The following SPAG16 variants were observed in gnomAD, a reference collection of about 807,000 sequenced individuals.
The protein encoded by SPAG16 is sperm associated antigen 16.
A neutral mutation model predicts 80.4 loss-of-function variants in SPAG16; 86 were observed. That is an observed-to-expected ratio of 1.07 (90% confidence interval 0.90 to 1.28). The LOEUF is 1.28. Ranked by LOEUF, SPAG16 falls within the 50% of genes most tolerant of loss-of-function variation. The probability of loss-of-function intolerance (pLI) is 0.00; values close to 1 mark genes in which losing one functional copy is unlikely to be tolerated. For missense variants in SPAG16, 870 were observed against 765.3 expected (o/e 1.14, Z -1.61); for synonymous variants, 294 against 265.9 (o/e 1.11, Z -1.03).
intron 10 of SPAG16, among the ~76,000 whole-genome samples, chr2:213,577,855 T>G (rs995341639): frequency 6.6e-6 from 1 of 152,126 alleles, no homozygotes; most frequent in African/African-American, 2.4e-5. Context: ...AAAGAAATTA[T>G]GACTCTTGTC....
intron 11 of SPAG16, among the ~76,000 whole-genome samples, chr2:213,900,851 G>C (rs2077192619): frequency 6.6e-6 from 1 of 152,104 alleles, no homozygotes; most frequent in Non-Finnish European, 1.5e-5. Flanking sequence ...TTTAGGCCTA[G>C]AGAATTGATT....
intron 4 of SPAG16, among the ~76,000 whole-genome samples, chr2:213,313,262 GTATT>G (rs1433726840): frequency 6.6e-6 from 1 of 151,756 alleles, no homozygotes; most frequent in Non-Finnish European, 1.5e-5. Flanking sequence ...ATTTAGGTGA[GTATT>G]TAATTTAAAT....
At chr2:213,377,989 T>C (rs1440467387) in intron 9 of SPAG16, among the ~76,000 whole-genome samples, 1 of 151,458 alleles carries the variant, frequency 6.6e-6, no homozygotes, top group African/African-American at 2.4e-5. Flanking sequence ...GATCACAAGG[T>C]CCCACAATAG....
intron 15 of SPAG16, among the ~76,000 whole-genome samples, chr2:214,286,173 G>A (rs974232793): frequency 2.0e-5 from 3 of 152,146 alleles, no homozygotes; most frequent in African/African-American, 4.8e-5. Context: ...GGGCTGTGGT[G>A]AACGGAGTAA....
intron 1 of SPAG16, among the ~76,000 whole-genome samples, chr2:213,290,554 G>C (rs1212428683): frequency 6.6e-6 from 1 of 152,200 alleles, no homozygotes; most frequent in Non-Finnish European, 1.5e-5. Flanking sequence ...TTCTTCGAAG[G>C]AATACTAGGC....
Position 214,214,545 on chromosome 2 carries a change from C to T in SPAG16, c.1720+65279C>T, listed in dbSNP as rs545340928. ...TATTCCAGGCCTGTAGGTTTGTCTC[C>T]TCTCTGATTCACCTATTCCAATGCC... On this transcript the variant is annotated intron_variant, in intron 15 of 15. Coordinates refer to ENST00000331683, the MANE Select transcript of SPAG16 (RefSeq NM_024532.5). 1.2e-4 allele frequency among the ~76,000 whole-genome samples: 19 copies of T among 152,096 alleles called. No individual in the cohort carries two copies. The South Asian group carries it at 3.5e-3, about 28-fold the overall frequency.
intron 14 of SPAG16, among the ~76,000 whole-genome samples, chr2:214,117,233 G>C (rs951414310): frequency 2.0e-5 from 3 of 151,810 alleles, no homozygotes; most frequent in Admixed American, 6.6e-5. Context: ...ACACAGTGGA[G>C]AGCATTAACA....
At chr2:214,342,616 TATTTC>T (rs1697784545) in intron 15 of SPAG16, among the ~76,000 whole-genome samples, 1 of 152,130 alleles carries the variant, frequency 6.6e-6, no homozygotes, top group Non-Finnish European at 1.5e-5. Flanking sequence ...GTTGTATAAT[TATTTC>T]ATTATATATT....
chr2:213,706,339 T>C (rs2065751724), intron 10 of SPAG16, among the ~76,000 whole-genome samples: 1 of 152,240 alleles, frequency 6.6e-6, no homozygotes, highest in Admixed American at 6.5e-5. Flanking sequence ...TTACTTTCAT[T>C]TCTAGAACTT....
At chr2:214,252,409 T>A (rs979353200) in intron 15 of SPAG16, among the ~76,000 whole-genome samples, 2 of 152,086 alleles carry the variant, frequency 1.3e-5, no homozygotes, top group Admixed American at 6.6e-5. Flanking sequence ...ACCCATCATC[T>A]ACATTAGGTA....
chr2:213,359,874 C>T (rs1329093624), intron 7 of SPAG16, among the ~76,000 whole-genome samples: 3 of 152,008 alleles, frequency 2.0e-5, no homozygotes, highest in Non-Finnish European at 2.9e-5. Context: ...GAGCTGCAGA[C>T]GGGAGCTGTT....
At chr2:214,163,842 C>T (rs952479812) in intron 15 of SPAG16, among the ~76,000 whole-genome samples, 5 of 151,918 alleles carry the variant, frequency 3.3e-5, no homozygotes, top group South Asian at 2.1e-4. Context: ...TCTTTATTAA[C>T]GCTTTCAACT....
intron 8 of SPAG16, among the ~76,000 whole-genome samples, chr2:213,369,726 T>G (rs971618832): frequency 2.0e-5 from 3 of 152,148 alleles, no homozygotes; most frequent in Non-Finnish European, 4.4e-5. Context: ...AAGGATAAAC[T>G]TTATTTTTTA....
chr2:214,320,833 A>C (rs1696045986), intron 15 of SPAG16, among the ~76,000 whole-genome samples: 1 of 152,214 alleles, frequency 6.6e-6, no homozygotes, highest in Non-Finnish European at 1.5e-5. Flanking sequence ...TGGGGAGGCA[A>C]AGCCTAACCA....
At chr2:213,916,489 C>A (rs1359688907) in intron 11 of SPAG16, among the ~76,000 whole-genome samples, 3 of 152,154 alleles carry the variant, frequency 2.0e-5, no homozygotes, top group African/African-American at 7.2e-5. Context: ...GTTTTGATAA[C>A]AGTACCATGC....
intron 10 of SPAG16, among the ~76,000 whole-genome samples, chr2:213,789,783 C>G (rs1192462660): frequency 6.6e-6 from 1 of 151,930 alleles, no homozygotes; most frequent in Non-Finnish European, 1.5e-5. Flanking sequence ...AATGTATCTA[C>G]TTATTCACTT....
chr2:213,893,978 G>A (rs1454197466), intron 11 of SPAG16, among the ~76,000 whole-genome samples: 1 of 152,022 alleles, frequency 6.6e-6, no homozygotes, highest in African/African-American at 2.4e-5. Context: ...AAAGAAACAA[G>A]ACTTTATGCT....
intron 10 of SPAG16, among the ~76,000 whole-genome samples, chr2:213,535,545 A>G (rs1225527695): frequency 6.6e-6 from 1 of 152,092 alleles, no homozygotes; most frequent in African/African-American, 2.4e-5. Context: ...TTTCTTTGCA[A>G]TTTTCATTTC....
chr2:213,526,320 G>A (rs1056844032), intron 10 of SPAG16, among the ~76,000 whole-genome samples: 2 of 152,072 alleles, frequency 1.3e-5, no homozygotes, highest in Non-Finnish European at 2.9e-5. Context: ...ATCAAGTTAT[G>A]ATAATATTTT....
Sources: allele counts gnomAD v4.1 joint callset (sites outside exome capture counted in the v4.1 genomes callset), GRCh38; gene constraint gnomAD v4.1.1; transcripts MANE v1.5; gene names NCBI Gene and HGNC (gene_info 2026-07-23, HGNC 2026-07-21).